The following PATJ variants were observed in gnomAD, a reference collection of about 807,000 sequenced individuals.
PATJ encodes PATJ crumbs cell polarity complex component, also known as inaD-like protein.
A neutral mutation model predicts 224.9 loss-of-function variants in PATJ; 190 were observed. The ratio of observed to expected loss-of-function variants is 0.84; its 90% CI spans 0.75 to 0.95. The LOEUF is 0.95. PATJ is among the 40% of genes least tolerant of loss of function. The pLI, the probability that PATJ is intolerant of heterozygous loss-of-function variation, is 0.00. For synonymous variants in PATJ, 769 were observed against 820.3 expected (o/e 0.94, Z 1.07); for missense variants, 2,121 against 2,270.3 (o/e 0.93, Z 1.34).
At position 62,161,272 on chromosome 1, in the gene PATJ, T is replaced by C. The variant is rs1669811720; in HGVS notation, c.*218T>C. ...AGTTCCTGTCACCTGTTGGCGAGGT[T>C]GATTTCTAAAACTTAAATGAGTCTA... On this transcript the variant is annotated 3_prime_UTR_variant, in exon 44 of 44. Transcript: ENST00000642238. 7.5e-6 allele frequency: 3 copies of C among 400,622 alleles called. No homozygotes were observed. The highest frequency in any genetic ancestry group is 1.3e-5 in the Non-Finnish European group (3 of 228,500). 24.8% of individuals were successfully genotyped at this position (400,622 alleles called of 1,614,324 possible). A position where few individuals can be genotyped will look rare whatever the true frequency, so the allele number is the denominator to read the frequency against.
intron 33 of PATJ, among the ~76,000 whole-genome samples, chr1:62,106,079 T>TACACACAC (rs1229837123): frequency 0.11 from 2,323 of 20,730 alleles, 281 homozygotes; most frequent in Non-Finnish European, 0.15. Context: ...TATATATATA[T>TACACACAC]ACACACACAC....
intron 17 of PATJ, among the ~76,000 whole-genome samples, chr1:61,837,100 A>G (rs76555429): frequency 0.023 from 3,550 of 152,328 alleles, 57 homozygotes; most frequent in South Asian, 0.057. Flanking sequence ...AATCTATTTC[A>G]TTGGTGTTTA....
At chr1:61,860,863 T>C (rs562961399) in intron 18 of PATJ, among the ~76,000 whole-genome samples, 1 of 151,126 alleles carries the variant, frequency 6.6e-6, no homozygotes, top group Admixed American at 6.6e-5. Context: ...GAGGATTGCA[T>C]GGCATGATAA....
chr1:62,107,233 G>A (rs1558178514), intron 33 of PATJ, among the ~76,000 whole-genome samples: 1 of 151,640 alleles, frequency 6.6e-6, no homozygotes, highest in Non-Finnish European at 1.5e-5. Flanking sequence ...GTGAACCCAG[G>A]AGACGGAGCT....
At chr1:62,145,163 G>C (rs1460961818) in intron 41 of PATJ, among the ~76,000 whole-genome samples, 2 of 152,152 alleles carry the variant, frequency 1.3e-5, no homozygotes, top group Non-Finnish European at 2.9e-5. Context: ...AAATCTCAGG[G>C]AGTCAGAGAT....
At chr1:61,836,457 G>C (rs111498987) in intron 17 of PATJ, among the ~76,000 whole-genome samples, 1 of 152,152 alleles carries the variant, frequency 6.6e-6, no homozygotes, top group Non-Finnish European at 1.5e-5. Flanking sequence ...TCAGATTAAA[G>C]GGCTCATCTT....
intron 7 of PATJ, among the ~76,000 whole-genome samples, chr1:61,777,489 A>G (rs1646978006): frequency 6.6e-6 from 1 of 152,036 alleles, no homozygotes; most frequent in Non-Finnish European, 1.5e-5. Context: ...AGATTGTGGC[A>G]CTGAACTCCA....
At chr1:62,034,272 A>G (rs1308644672) in intron 29 of PATJ, among the ~76,000 whole-genome samples, 1 of 151,958 alleles carries the variant, frequency 6.6e-6, no homozygotes, top group Admixed American at 6.6e-5. Flanking sequence ...GTGATACTCC[A>G]TCTCTACTAA....
intron 31 of PATJ, 43 bp from the exon 32 acceptor site, chr1:62,079,407 T>C: frequency 8.6e-7 from 1 of 1,166,648 alleles, no homozygotes; most frequent in Non-Finnish European, 1.3e-6. Flanking sequence ...TCTTGTTACC[T>C]TTCTCCTTTT....
chr1:61,975,027 C>T (rs1367694382), intron 27 of PATJ, among the ~76,000 whole-genome samples: 1 of 152,026 alleles, frequency 6.6e-6, no homozygotes, highest in East Asian at 1.9e-4. Flanking sequence ...TTTCTGTGAC[C>T]TTGACCTCTT....
chr1:62,095,470 A>G (rs759792034), intron 33 of PATJ, among the ~76,000 whole-genome samples: 1 of 152,234 alleles, frequency 6.6e-6, no homozygotes, highest in Non-Finnish European at 1.5e-5. Context: ...TAATTGGTTC[A>G]AAAAATATAG....
At chr1:61,856,504 A>G (rs778787905) in intron 18 of PATJ, among the ~76,000 whole-genome samples, 2 of 152,204 alleles carry the variant, frequency 1.3e-5, no homozygotes, top group African/African-American at 2.4e-5. Flanking sequence ...TGCTAGTTCT[A>G]CTACTACCAC....
At chr1:62,013,315 A>G in intron 28 of PATJ, 1 of 985,056 alleles carries the variant, frequency 1.0e-6, no homozygotes, top group Non-Finnish European at 1.2e-6. Flanking sequence ...CGTTTTGCTG[A>G]TCAAAACCAT....
At chr1:61,933,512 C>G (rs1676341940) in intron 27 of PATJ, among the ~76,000 whole-genome samples, 1 of 150,076 alleles carries the variant, frequency 6.7e-6, no homozygotes, top group Admixed American at 6.6e-5. Flanking sequence ...CTGCACTCCA[C>G]CCTGGCGACA....
intron 22 of PATJ, among the ~76,000 whole-genome samples, chr1:61,897,486 C>A (rs1339116394): frequency 6.6e-6 from 1 of 152,198 alleles, no homozygotes; most frequent in Non-Finnish European, 1.5e-5. Flanking sequence ...CCTTTCTGCT[C>A]TGCTGCCATT....
At chr1:62,093,756 T>A (rs1195938571) in intron 33 of PATJ, among the ~76,000 whole-genome samples, 2 of 152,158 alleles carry the variant, frequency 1.3e-5, no homozygotes, top group Non-Finnish European at 2.9e-5. Flanking sequence ...ACTGTGGGGA[T>A]TTATAAAATA....
intron 3 of PATJ, among the ~76,000 whole-genome samples, chr1:61,765,581 C>T (rs1386390252): frequency 2.0e-5 from 3 of 152,080 alleles, no homozygotes; most frequent in South Asian, 2.1e-4. Context: ...GATGGGGTTT[C>T]ACCACTGACA....
chr1:62,076,205 T>G (rs1030438507), intron 31 of PATJ, among the ~76,000 whole-genome samples: 2 of 152,032 alleles, frequency 1.3e-5, no homozygotes, highest in Non-Finnish European at 2.9e-5. Flanking sequence ...GAAGATTAAG[T>G]CTTAATCAAT....
At chr1:61,777,703 C>CTTTCTT (rs1415203243) in intron 7 of PATJ, among the ~76,000 whole-genome samples, 128 of 48,736 alleles carry the variant, frequency 2.6e-3, no homozygotes, top group Non-Finnish European at 3.6e-3. Flanking sequence ...TTCTTTCTTT[C>CTTTCTT]TTTTTTTTTT....
Sources: gnomAD v4.1 joint callset for allele counts (sites outside exome capture counted in the v4.1 genomes callset) on GRCh38, gnomAD v4.1.1 for gene constraint, MANE v1.5 for transcripts, NCBI Gene and HGNC (gene_info 2026-07-23, HGNC 2026-07-21) for gene names.